The following MIPEP variants were observed in gnomAD, a reference collection of about 807,000 sequenced individuals.
MIPEP encodes mitochondrial intermediate peptidase.
MIPEP carries 79 observed loss-of-function variants against 90.3 expected under a neutral mutation model. The observed-to-expected ratio is 0.87, with a 90% CI of 0.73 to 1.05. The LOEUF (loss-of-function observed/expected upper bound fraction) is 1.05. Ranked by LOEUF, MIPEP falls within the 50% of genes least tolerant of loss-of-function variation. The pLI is 0.00. For synonymous variants in MIPEP, 334 were observed against 315.8 expected, an observed-to-expected ratio of 1.06 and a Z score of -0.61; for missense variants, 940 against 905.6, an observed-to-expected ratio of 1.04 and a Z score of -0.49.
At chr13:23,813,278 A>G (rs1011086173) in intron 14 of MIPEP, among the ~76,000 whole-genome samples, 1 of 152,198 alleles carries the variant, frequency 6.6e-6, no homozygotes, top group Admixed American at 6.5e-5. Context: ...AATCGCGGCC[A>G]TGATAACCAA....
intron 18 of MIPEP, among the ~76,000 whole-genome samples, chr13:23,755,935 C>A (rs959806369): frequency 2.7e-5 from 4 of 149,886 alleles, no homozygotes; most frequent in Admixed American, 2.0e-4. Flanking sequence ...AAAAAAAAAA[C>A]ACTGTGACCT....
In MIPEP at chr13:23,839,591, C is replaced by G. The variant is rs184759532; in HGVS notation, c.1338+58G>C. 2.0e-3 allele frequency: 2,298 copies of G among 1,130,836 alleles called. 5 individuals carry two copies. The highest frequency in any genetic ancestry group is 2.5e-3 in the Non-Finnish European group (2,021 of 795,460). The allele number at this position is 1,130,836 out of a possible 1,614,324, so 70.1% of individuals were successfully genotyped here. A position where few individuals can be genotyped will look rare whatever the true frequency, so the allele number is the denominator to read the frequency against. ...TTAAAAAATGATACAAAGTTCACATCAATACAAATGAAATGCCGATCGGTT... is the reference window on the plus strand; with the variant it reads ...TTAAAAAATGATACAAAGTTCACATGAATACAAATGAAATGCCGATCGGTT... On this transcript the variant is annotated intron_variant, in intron 12 of 18. Coordinates refer to ENST00000382172, the MANE Select transcript of MIPEP (RefSeq NM_005932.4).
At chr13:23,755,033 T>C (rs1434178230) in intron 18 of MIPEP, among the ~76,000 whole-genome samples, 3 of 152,196 alleles carry the variant, frequency 2.0e-5, no homozygotes, top group South Asian at 4.1e-4. Context: ...TTATTGTCTA[T>C]AAAACGGGGA....
At chr13:23,750,299 G>A (rs1055664389) in intron 18 of MIPEP, among the ~76,000 whole-genome samples, 1 of 152,106 alleles carries the variant, frequency 6.6e-6, no homozygotes, top group Non-Finnish European at 1.5e-5. Flanking sequence ...ATCAAAACTA[G>A]CTGTCTTTTT....
At chr13:23,850,197 A>G (rs1458648270) in intron 10 of MIPEP, among the ~76,000 whole-genome samples, 1 of 152,258 alleles carries the variant, frequency 6.6e-6, no homozygotes, top group African/African-American at 2.4e-5. Context: ...ACTTTATCAA[A>G]AGCAAATGAA....
chr13:23,865,973 CCT>C (rs1870515279), intron 7 of MIPEP, among the ~76,000 whole-genome samples: 1 of 152,028 alleles, frequency 6.6e-6, no homozygotes, highest in Non-Finnish European at 1.5e-5. Flanking sequence ...ATCTGGCCTG[CCT>C]CAATTAGTGT....
At chr13:23,808,137 C>T (rs974076628) in intron 15 of MIPEP, among the ~76,000 whole-genome samples, 3 of 150,334 alleles carry the variant, frequency 2.0e-5, no homozygotes, top group East Asian at 3.9e-4. Flanking sequence ...CTCGCCCTGT[C>T]GCCCAGGCTG....
intron 18 of MIPEP, among the ~76,000 whole-genome samples, chr13:23,742,841 G>A (rs1044014992): frequency 6.6e-6 from 1 of 152,198 alleles, no homozygotes; most frequent in African/African-American, 2.4e-5. Context: ...GTCTTCACTG[G>A]GGTGATGGGG....
At chr13:23,770,781 C>G (rs770883179) in intron 16 of MIPEP, among the ~76,000 whole-genome samples, 5 of 152,142 alleles carry the variant, frequency 3.3e-5, no homozygotes, top group Non-Finnish European at 7.3e-5. Context: ...GTAGAACACA[C>G]GAGTTTATTA....
chr13:23,799,200 G>A (rs1953004480), intron 16 of MIPEP, among the ~76,000 whole-genome samples: 1 of 151,362 alleles, frequency 6.6e-6, no homozygotes, highest in South Asian at 2.1e-4. Context: ...AGTAGAGACA[G>A]GGTTTCACCA....
intron 14 of MIPEP, among the ~76,000 whole-genome samples, chr13:23,816,827 C>T (rs1953245118): frequency 6.6e-6 from 1 of 152,172 alleles, no homozygotes; most frequent in Non-Finnish European, 1.5e-5. Flanking sequence ...AGAAAATGGC[C>T]TACAAGTGAA....
intron 2 of MIPEP, among the ~76,000 whole-genome samples, chr13:23,883,336 A>T (rs890465845): frequency 2.0e-5 from 3 of 152,214 alleles, no homozygotes; most frequent in Non-Finnish European, 1.5e-5. Context: ...AATGTAGAAA[A>T]AAATCCTAGA....
At chr13:23,747,773 C>T (rs1473787196) in intron 18 of MIPEP, among the ~76,000 whole-genome samples, 1 of 152,194 alleles carries the variant, frequency 6.6e-6, no homozygotes, top group Non-Finnish European at 1.5e-5. Context: ...CGGGGTCTCG[C>T]TCTGTTGCCC....
intron 16 of MIPEP, among the ~76,000 whole-genome samples, chr13:23,773,722 T>C (rs527334647): frequency 2.0e-5 from 3 of 152,318 alleles, no homozygotes; most frequent in African/African-American, 7.2e-5. Flanking sequence ...GCTGAACATC[T>C]TTTCATGTGC....
rs57361695 is a variant in MIPEP, at chr13:23,820,742, C to A, written c.1654-10818G>T. 5.6e-3 allele frequency among the ~76,000 whole-genome samples: 855 copies of A among 152,300 alleles called. 8 individuals carry two copies. The highest frequency in any genetic ancestry group is 0.019 in the African/African-American group (801 of 41,560). ...GGAACTTGCCTGCAGGGTGTCCTGC[C>A]GCTCTGGTGCCTGAGCCAGTTCCAA... On this transcript the variant is annotated intron_variant, in intron 14 of 18. Coordinates refer to ENST00000382172, the MANE Select transcript of MIPEP (RefSeq NM_005932.4).
intron 18 of MIPEP, among the ~76,000 whole-genome samples, chr13:23,738,757 T>C (rs1330798183): frequency 1.3e-5 from 2 of 152,180 alleles, no homozygotes; most frequent in Non-Finnish European, 2.9e-5. Context: ...TGGCTGAGAC[T>C]TTCTTCTGAA....
chr13:23,737,546 G>A (rs551928314), intron 18 of MIPEP, among the ~76,000 whole-genome samples: 2 of 152,224 alleles, frequency 1.3e-5, no homozygotes, highest in South Asian at 4.2e-4. Flanking sequence ...TCAGCTCCAG[G>A]ATGAGTTCAA....
At chr13:23,876,796 G>C (rs1428892196) in intron 4 of MIPEP, among the ~76,000 whole-genome samples, 1 of 152,116 alleles carries the variant, frequency 6.6e-6, no homozygotes, top group African/African-American at 2.4e-5. Flanking sequence ...ATCATGCCAA[G>C]AAAGACCTTC....
At chr13:23,815,222 A>G (rs965183705) in intron 14 of MIPEP, among the ~76,000 whole-genome samples, 6 of 152,204 alleles carry the variant, frequency 3.9e-5, no homozygotes, top group African/African-American at 1.4e-4. Flanking sequence ...AGATCTATAC[A>G]TTCTTAGAAG....
Sources: allele counts gnomAD v4.1 joint callset (sites outside exome capture counted in the v4.1 genomes callset), GRCh38; gene constraint gnomAD v4.1.1; transcripts MANE v1.5; gene names NCBI Gene and HGNC (gene_info 2026-07-23, HGNC 2026-07-21).